Variants in DCC observed in about 807,000 individuals in gnomAD.
The protein encoded by DCC is netrin receptor DCC.
Under a neutral mutation model 172.5 loss-of-function variants are expected in DCC, and 58 were observed. The ratio of observed to expected loss-of-function variants is 0.34; its 90% CI spans 0.27 to 0.42. The LOEUF is 0.42. Ranked by LOEUF, DCC falls within the 10% of genes least tolerant of loss-of-function variation. The probability of loss-of-function intolerance (pLI) is 1.00; values close to 1 mark genes in which losing one functional copy is unlikely to be tolerated. For synonymous variants in DCC, 709 were observed against 644.5 expected (o/e 1.10, Z -1.52); for missense variants, 1,740 against 1,791.0 (o/e 0.97, Z 0.51).
chr18:53,476,187 G>T (rs1031642474), intron 25 of DCC, among the ~76,000 whole-genome samples: 2 of 152,212 alleles, frequency 1.3e-5, no homozygotes, highest in African/African-American at 2.4e-5. Context: ...GAAAGGACTT[G>T]CCTTGTCTCA....
chr18:53,052,704 C>T (rs1568272440), intron 5 of DCC, among the ~76,000 whole-genome samples: 1 of 152,100 alleles, frequency 6.6e-6, no homozygotes, highest in Admixed American at 6.6e-5. Context: ...CTAGTACTGT[C>T]TCCTACTCTT....
chr18:52,745,985 G>GTT (rs2036900088), intron 1 of DCC, among the ~76,000 whole-genome samples: 1 of 152,100 alleles, frequency 6.6e-6, no homozygotes, highest in Non-Finnish European at 1.5e-5. Context: ...ATTCATGTTT[G>GTT]TTTGTTTTTG....
chr18:53,017,839 C>A (rs768593492), intron 5 of DCC, among the ~76,000 whole-genome samples: 6 of 152,090 alleles, frequency 3.9e-5, no homozygotes, highest in Non-Finnish European at 8.8e-5. Flanking sequence ...CTGCAGGTTC[C>A]GTAAAGTTGT....
intron 2 of DCC, among the ~76,000 whole-genome samples, chr18:52,864,413 G>A (rs949319780): frequency 2.4e-4 from 36 of 152,146 alleles, no homozygotes; most frequent in African/African-American, 8.7e-4. Context: ...AGAAAGTTCA[G>A]AAACCTTCAC....
intron 7 of DCC, among the ~76,000 whole-genome samples, chr18:53,094,400 T>A (rs2043055491): frequency 6.6e-6 from 1 of 152,224 alleles, no homozygotes; most frequent in African/African-American, 2.4e-5. Context: ...GCTACAAGTA[T>A]CATCTCCCTT....
At chr18:52,960,207 A>G (rs2040820400) in intron 5 of DCC, among the ~76,000 whole-genome samples, 1 of 152,146 alleles carries the variant, frequency 6.6e-6, no homozygotes, top group Non-Finnish European at 1.5e-5. Flanking sequence ...TGTATATTAC[A>G]AACCTTGTAG....
chr18:52,564,739 CT>C (rs918108037), intron 1 of DCC, among the ~76,000 whole-genome samples: 98 of 151,618 alleles, frequency 6.5e-4, no homozygotes, highest in African/African-American at 2.3e-3. Flanking sequence ...TAAAATTTAC[CT>C]GTATACAAAT....
At chr18:52,756,801 A>G (rs2037083258) in intron 2 of DCC, among the ~76,000 whole-genome samples, 1 of 152,224 alleles carries the variant, frequency 6.6e-6, no homozygotes, top group South Asian at 2.1e-4. Context: ...TAATTTTCAA[A>G]CAACATCTAG....
intron 2 of DCC, among the ~76,000 whole-genome samples, chr18:52,872,691 C>A (rs2039341185): frequency 6.6e-6 from 1 of 152,100 alleles, no homozygotes; most frequent in Non-Finnish European, 1.5e-5. Context: ...AAAGTAAGAA[C>A]CCTCAATGCA....
intron 1 of DCC, among the ~76,000 whole-genome samples, chr18:52,451,461 G>A (rs1988302141): frequency 1.3e-5 from 2 of 152,128 alleles, no homozygotes; most frequent in South Asian, 2.1e-4. Flanking sequence ...ACGCCCGGTA[G>A]CCCCAGAAAG....
intron 1 of DCC, among the ~76,000 whole-genome samples, chr18:52,625,354 A>T (rs1363580829): frequency 1.3e-5 from 2 of 152,120 alleles, no homozygotes; most frequent in African/African-American, 4.8e-5. Flanking sequence ...CGCCGTATTG[A>T]TTCATTCATT....
intron 1 of DCC, among the ~76,000 whole-genome samples, chr18:52,584,349 A>G (rs2033621873): frequency 6.6e-6 from 1 of 152,226 alleles, no homozygotes; most frequent in South Asian, 2.1e-4. Flanking sequence ...ATACAGTAAG[A>G]ACATTAGATC....
intron 1 of DCC, among the ~76,000 whole-genome samples, chr18:52,526,988 A>G (rs1173743006): frequency 6.6e-6 from 1 of 152,332 alleles, no homozygotes; most frequent in East Asian, 1.9e-4. Flanking sequence ...TCACACGCCA[A>G]TGCTTTCTTA....
chr18:53,019,544 A>G (rs2041851541), intron 5 of DCC, among the ~76,000 whole-genome samples: 1 of 152,142 alleles, frequency 6.6e-6, no homozygotes, highest in African/African-American at 2.4e-5. Context: ...CTTATCCTGG[A>G]TTCTGCCACC....
chr18:53,322,213 CA>C, intron 14 of DCC, 56 bp downstream of exon 14: 1 of 963,218 alleles, frequency 1.0e-6, no homozygotes, highest in Non-Finnish European at 1.7e-6. Flanking sequence ...ATCTCAGCTT[CA>C]AAAGGTCTCT....
At chr18:53,279,163 T>C (rs1033541732) in intron 12 of DCC, among the ~76,000 whole-genome samples, 2 of 152,152 alleles carry the variant, frequency 1.3e-5, no homozygotes, top group African/African-American at 4.8e-5. Flanking sequence ...TGATGGCCAG[T>C]GATGATGAAC....
At position 53,533,783 on chromosome 18, in the gene DCC, A is replaced by T. The variant is rs1879304452; in HGVS notation, c.*3130A>T. 1 of 152,202 alleles carries T rather than the reference A, an allele frequency of 6.6e-6. No homozygotes were observed. Among genetic ancestry groups the T allele is most frequent in the Admixed American group, 6.5e-5 (1 of 15,284 alleles). The allele number at this position is 152,202 out of a possible 1,614,324, so 9.4% of individuals were successfully genotyped here. A position where few individuals can be genotyped will look rare whatever the true frequency, so the allele number is the denominator to read the frequency against. On this transcript the variant is annotated 3_prime_UTR_variant, in exon 29 of 29. Transcript: ENST00000442544. ...AATTGAATGAGCTGAAAAAAATACC[A>T]AGCCAGTGATATAAGTGGAGATTTA...
Position 52,642,258 on chromosome 18 carries a change from G to A in DCC, c.92-109796G>A, listed in dbSNP as rs111346749. 5.1e-3 allele frequency among the ~76,000 whole-genome samples: 771 copies of A among 151,924 alleles called. 6 individuals are homozygous for A. Among genetic ancestry groups the A allele is most frequent in the African/African-American group, 0.017 (720 of 41,396 alleles). ...ACATCATACGTTCTCACTCATATGTGCGAGCTAGGCTGTGAGGATGCAAAG... is the reference window on the plus strand; with the variant it reads ...ACATCATACGTTCTCACTCATATGTACGAGCTAGGCTGTGAGGATGCAAAG... On this transcript the variant is annotated intron_variant, in intron 1 of 28. Coordinates refer to ENST00000442544, the MANE Select transcript of DCC (RefSeq NM_005215.4).
At chr18:52,840,964 G>GAA (rs5741773) in intron 2 of DCC, among the ~76,000 whole-genome samples, 2 of 151,096 alleles carry the variant, frequency 1.3e-5, no homozygotes, top group South Asian at 2.1e-4. Flanking sequence ...ATGCTATGAT[G>GAA]AAAAAAAAAA....
Sources: gnomAD v4.1 joint callset for allele counts (sites outside exome capture counted in the v4.1 genomes callset) on GRCh38, gnomAD v4.1.1 for gene constraint, MANE v1.5 for transcripts, NCBI Gene and HGNC (gene_info 2026-07-23, HGNC 2026-07-21) for gene names.